Variants in NDST3 observed in about 807,000 individuals in gnomAD.
NDST3 encodes N-deacetylase and N-sulfotransferase 3.
Under a neutral mutation model 96.1 loss-of-function variants are expected in NDST3, and 58 were observed. The observed-to-expected ratio is 0.60, with a 90% CI of 0.49 to 0.75. The LOEUF is 0.75. NDST3 is among the 30% of genes least tolerant of loss of function. The probability of loss-of-function intolerance (pLI) is 0.00; values close to 1 mark genes in which losing one functional copy is unlikely to be tolerated. For missense variants in NDST3, 788 were observed against 1,034.2 expected, an observed-to-expected ratio of 0.76 and a Z score of 3.27; for synonymous variants, 333 against 359.7, an observed-to-expected ratio of 0.93 and a Z score of 0.84.
At chr4:118,232,761 A>G (rs1273933605) in intron 8 of NDST3, among the ~76,000 whole-genome samples, 4 of 152,216 alleles carry the variant, frequency 2.6e-5, no homozygotes, top group African/African-American at 9.6e-5. Context: ...TCACAGACAA[A>G]TCAGTCATTG....
chr4:118,190,062 G>C (rs9992827), intron 6 of NDST3, among the ~76,000 whole-genome samples: 45,063 of 150,970 alleles, frequency 0.3, 7,146 homozygotes, highest in African/African-American at 0.37. Context: ...GTCTTTATTA[G>C]TTTCCTCATC....
intron 6 of NDST3, among the ~76,000 whole-genome samples, chr4:118,160,373 TAGAC>T (rs894552508): frequency 9.9e-5 from 15 of 150,794 alleles, no homozygotes; most frequent in African/African-American, 3.2e-4. Flanking sequence ...ACAGAGTAAA[TAGAC>T]AGCCTACAAA....
At chr4:118,141,511 T>C (rs1733571050) in intron 5 of NDST3, among the ~76,000 whole-genome samples, 1 of 152,182 alleles carries the variant, frequency 6.6e-6, no homozygotes, top group African/African-American at 2.4e-5. Context: ...TGCCACTTCC[T>C]CTTCACTGCA....
At chr4:118,177,785 T>C (rs1736365735) in intron 6 of NDST3, among the ~76,000 whole-genome samples, 1 of 152,008 alleles carries the variant, frequency 6.6e-6, no homozygotes, top group Non-Finnish European at 1.5e-5. Context: ...AACATTCTTA[T>C]GAGTCTTGAA....
At chr4:118,050,600 A>G (rs573371525) in intron 1 of NDST3, among the ~76,000 whole-genome samples, 23 of 152,250 alleles carry the variant, frequency 1.5e-4, no homozygotes, top group African/African-American at 4.8e-4. Flanking sequence ...TGAGAGTCCA[A>G]TGAAGAATAC....
At chr4:118,048,924 T>C (rs1033131305) in intron 1 of NDST3, among the ~76,000 whole-genome samples, 1 of 152,276 alleles carries the variant, frequency 6.6e-6, no homozygotes, top group Non-Finnish European at 1.5e-5. Context: ...AAAATACACA[T>C]ATTTTTCATC....
intron 5 of NDST3, among the ~76,000 whole-genome samples, chr4:118,138,646 G>A (rs974378539): frequency 3.9e-5 from 6 of 152,086 alleles, no homozygotes; most frequent in African/African-American, 9.7e-5. Flanking sequence ...ACCATGCCAG[G>A]CTAAAAAAGA....
intron 10 of NDST3, among the ~76,000 whole-genome samples, chr4:118,239,674 T>C (rs1740891121): frequency 6.6e-6 from 1 of 152,142 alleles, no homozygotes; most frequent in Non-Finnish European, 1.5e-5. Flanking sequence ...TAACAAAATG[T>C]CCTAAATATT....
At chr4:118,042,862 ATCTCTC>A (rs4001572) in intron 1 of NDST3, among the ~76,000 whole-genome samples, 1 of 151,814 alleles carries the variant, frequency 6.6e-6, no homozygotes, top group Non-Finnish European at 1.5e-5. Context: ...AGCTTCACTA[ATCTCTC>A]TCTCTTTCTC....
intron 6 of NDST3, among the ~76,000 whole-genome samples, chr4:118,182,270 C>T (rs1196059849): frequency 6.6e-6 from 1 of 152,102 alleles, no homozygotes; most frequent in Non-Finnish European, 1.5e-5. Context: ...AAAACAAAAG[C>T]TGTTCATGGG....
chr4:118,161,947 T>C (rs1001050658), intron 6 of NDST3, among the ~76,000 whole-genome samples: 2 of 152,088 alleles, frequency 1.3e-5, no homozygotes, highest in Admixed American at 1.3e-4. Flanking sequence ...AATGCAGAAA[T>C]CACCCGTCTT....
chr4:118,175,516 C>T (rs1736221469), intron 6 of NDST3, among the ~76,000 whole-genome samples: 1 of 152,088 alleles, frequency 6.6e-6, no homozygotes, highest in Non-Finnish European at 1.5e-5. Flanking sequence ...TCTTTTCTTT[C>T]CTAGACAACA....
Position 118,253,489 on chromosome 4 carries a change from T to C in NDST3, c.2400-10T>C. The C allele has an allele frequency of 6.3e-7, 1 of 1,577,392 alleles. No homozygotes were observed. Among genetic ancestry groups the C allele is most frequent in the Non-Finnish European group, 8.6e-7 (1 of 1,156,684 alleles). The stretch of plus-strand genomic sequence containing the variant: ...TCTGGTTTTTCTGTGTGTATTCTTT[T>C]TTTTTTTAGGTTTGATTCTCATAAA... On this transcript the variant is annotated splice_polypyrimidine_tract_variant and intron_variant, in intron 12 of 13. Transcript: ENST00000296499.
chr4:118,051,352 G>A (rs1042102326), intron 1 of NDST3, among the ~76,000 whole-genome samples: 1 of 152,094 alleles, frequency 6.6e-6, no homozygotes, highest in Non-Finnish European at 1.5e-5. Flanking sequence ...CCTTGGCAAA[G>A]AATTTTTGGC....
At chr4:118,102,859 T>C (rs4240315) in intron 2 of NDST3, among the ~76,000 whole-genome samples, 79,878 of 151,988 alleles carry the variant, frequency 0.53, 25,220 homozygotes, top group East Asian at 0.73. Flanking sequence ...CTTTACCATA[T>C]ATAGGCATAA....
chr4:118,224,570 T>C lies in NDST3; in HGVS notation c.1619T>C (p.Phe540Ser), dbSNP rs184427312. The C allele has an allele frequency of 2.5e-5, 41 of 1,613,286 alleles. No homozygotes were observed. The highest frequency in any genetic ancestry group is 3.2e-5 in the Non-Finnish European group (38 of 1,179,470). The change falls in exon 7 of 14, where the codon TTT becomes TCT. Residue 540 changes from phenylalanine (F) to serine (S), a missense_variant. Physicochemically the swap from Phe to Ser is radical, Grantham distance 155. This residue lies in a region of NDST3 where 490 missense variants were observed against 708.8 expected (regional missense o/e 0.69). Transcript: ENST00000296499. ...TATACATTTGTTAATCTGGCCAACT[T>C]TGTGAAGAGCTGGACCAACCTGCGA... is the stretch of plus-strand genomic sequence containing the variant. ...GLYTFVNLANFVKSWTNLRLQ... is the reference protein window; with the variant it reads ...GLYTFVNLANSVKSWTNLRLQ...
intron 2 of NDST3, among the ~76,000 whole-genome samples, chr4:118,062,694 TCATAATC>T (rs1297105475): frequency 6.6e-6 from 1 of 152,156 alleles, no homozygotes; most frequent in East Asian, 1.9e-4. Flanking sequence ...CATTTCATAT[TCATAATC>T]TATTTACTTT....
At chr4:118,068,611 T>A (rs1726794764) in intron 2 of NDST3, among the ~76,000 whole-genome samples, 1 of 152,064 alleles carries the variant, frequency 6.6e-6, no homozygotes, top group African/African-American at 2.4e-5. Flanking sequence ...TTTGTCTTGG[T>A]AGATCAGGGG....
intron 4 of NDST3, among the ~76,000 whole-genome samples, chr4:118,130,542 T>C (rs188547493): frequency 1.3e-5 from 2 of 152,316 alleles, no homozygotes; most frequent in African/African-American, 4.8e-5. Flanking sequence ...TTTGTAGTTA[T>C]TACTTTTGAT....
Sources: allele counts gnomAD v4.1 joint callset (sites outside exome capture counted in the v4.1 genomes callset), GRCh38; gene constraint gnomAD v4.1.1; regional missense constraint gnomAD v4.1.1; transcripts MANE v1.5; gene names NCBI Gene and HGNC (gene_info 2026-07-23, HGNC 2026-07-21).